HERC3: variants seen among roughly 807,000 people sequenced by gnomAD.
HERC3 encodes the protein probable E3 ubiquitin-protein ligase HERC3.
HERC3 carries 58 observed loss-of-function variants against 129.9 expected under a neutral mutation model. The ratio of observed to expected loss-of-function variants is 0.45; its 90% CI spans 0.36 to 0.56. The LOEUF is 0.56. Among genes scored for constraint, HERC3 ranks in the 20% least tolerant of loss-of-function variants. The pLI, the probability that HERC3 is intolerant of heterozygous loss-of-function variation, is 0.00. For synonymous variants in HERC3, 430 were observed against 451.0 expected (o/e 0.95, Z 0.59); for missense variants, 835 against 1,244.2 (o/e 0.67, Z 4.95).
At chr4:88,598,140 A>C (rs1722592319) in intron 2 of HERC3, 1 of 152,168 alleles carries the variant, frequency 6.6e-6, no homozygotes, top group South Asian at 2.1e-4. Context: ...TTTAAATGAG[A>C]TTAGAAGTCC....
At chr4:88,584,836 T>C in the HERC3 span, among the ~76,000 whole-genome samples, 1 of 152,238 alleles carries the variant, frequency 6.6e-6, no homozygotes, top group Non-Finnish European at 1.5e-5. Context: ...CAAAATGGAC[T>C]AAGAGACATA....
intron 3 of HERC3, among the ~76,000 whole-genome samples, chr4:88,608,923 T>C (rs548653199): frequency 6.6e-6 from 1 of 152,268 alleles, no homozygotes; most frequent in Admixed American, 6.5e-5. Context: ...AGTCCTCCCA[T>C]GGAGACAGCA....
the HERC3 span, among the ~76,000 whole-genome samples, chr4:88,536,589 C>T: frequency 1.3e-5 from 2 of 151,920 alleles, no homozygotes; most frequent in African/African-American, 2.4e-5. Context: ...TTTCTTTATC[C>T]CTAAATCTAG....
intron 3 of HERC3, among the ~76,000 whole-genome samples, chr4:88,641,512 C>T (rs1728087501): frequency 6.6e-6 from 1 of 151,982 alleles, no homozygotes; most frequent in Non-Finnish European, 1.5e-5. Context: ...TCAATGGAAC[C>T]AAAAGCTAGC....
At chr4:88,598,847 G>T (rs1722679599) in intron 2 of HERC3, among the ~76,000 whole-genome samples, 1 of 152,200 alleles carries the variant, frequency 6.6e-6, no homozygotes, top group Non-Finnish European at 1.5e-5. Flanking sequence ...TCAGGAAAGT[G>T]CCAGGTTGAC....
Position 88,704,723 on chromosome 4 carries a change from T to G in HERC3, c.2944+113T>G, listed in dbSNP as rs984979388. On this transcript the variant is annotated intron_variant, in intron 25 of 25. Coordinates refer to ENST00000402738, the MANE Select transcript of HERC3 (RefSeq NM_014606.3). Reference sequence around the variant, plus strand: ...ACTCATTTAAATGGTAAAGACCAGGTAATTCACTATATGTATGCTTTTTGT... The same window carrying G: ...ACTCATTTAAATGGTAAAGACCAGGGAATTCACTATATGTATGCTTTTTGT... The G allele has an allele frequency of 1.9e-5, 13 of 674,790 alleles. 1 individual carries two copies. The highest frequency in any genetic ancestry group is 3.2e-5 in the Non-Finnish European group (12 of 376,306). The allele number at this position is 674,790 out of a possible 1,614,324, so 41.8% of individuals were successfully genotyped here.
Position 88,681,091 on chromosome 4 carries a change from A to G in HERC3, c.2341-68A>G, listed in dbSNP as rs184193716. On this transcript the variant is annotated intron_variant, in intron 20 of 25. Coordinates refer to ENST00000402738, the MANE Select transcript of HERC3 (RefSeq NM_014606.3). Reference sequence around the variant, plus strand: ...TTATTTTGAAAATATTTTGAGGGAAATGGTAGAATGTTTGAAGGCCAGAAA... The same window carrying G: ...TTATTTTGAAAATATTTTGAGGGAAGTGGTAGAATGTTTGAAGGCCAGAAA... 3.1e-4 allele frequency: 464 copies of G among 1,480,154 alleles called. 2 individuals are homozygous for G. The African/African-American group carries it at 6.1e-3, about 19-fold the overall frequency. 91.7% of individuals were successfully genotyped at this position (1,480,154 alleles called of 1,614,324 possible).
the HERC3 span, among the ~76,000 whole-genome samples, chr4:88,545,164 C>A: frequency 2.1e-4 from 32 of 152,294 alleles, 1 homozygote; most frequent in East Asian, 6.2e-3. Flanking sequence ...TCTTCCAGTC[C>A]TACTGGCTTG....
In HERC3 at chr4:88,697,263, GGCAGCCTCTGCC is replaced by G. The variant is rs750349635; in HGVS notation, c.2658-6826_2658-6815del. On this transcript the variant is annotated intron_variant, in intron 23 of 25. Transcript: ENST00000402738. The stretch of plus-strand genomic sequence containing the variant: ...GGGCATCGTCATGTTTGGCCCCCGC[GGCAGCCTCTGCC>G]GCAGCCTCCTCCTCCTCCTCGTCTT... 58 of 1,570,016 alleles carry G rather than the reference GGCAGCCTCTGCC, an allele frequency of 3.7e-5. No homozygotes were observed. In the African/African-American group the frequency reaches 6.9e-4, roughly 19 times the overall value.
intron 19 of HERC3, among the ~76,000 whole-genome samples, chr4:88,679,241 A>G (rs1167792224): frequency 1.3e-5 from 2 of 152,152 alleles, no homozygotes; most frequent in Non-Finnish European, 2.9e-5. Flanking sequence ...TACTGTTGAT[A>G]ACCATTATGT....
chr4:88,608,703 A>T (rs1464516932), intron 3 of HERC3, among the ~76,000 whole-genome samples: 1 of 152,118 alleles, frequency 6.6e-6, no homozygotes, highest in Non-Finnish European at 1.5e-5. Flanking sequence ...GTTAAAACTC[A>T]CTTGTGTCTC....
At chr4:88,689,042 G>A (rs1305032235) in intron 23 of HERC3, among the ~76,000 whole-genome samples, 2 of 152,100 alleles carry the variant, frequency 1.3e-5, no homozygotes, top group Admixed American at 6.5e-5. Flanking sequence ...ATACAGATGT[G>A]GAGAAACTAG....
intron 22 of HERC3, among the ~76,000 whole-genome samples, 195 bp downstream of exon 22, chr4:88,686,997 T>G (rs1333211497): frequency 6.6e-6 from 1 of 152,236 alleles, no homozygotes; most frequent in Non-Finnish European, 1.5e-5. Context: ...ATGATTAATC[T>G]GTTATTTATT....
chr4:88,554,939 A>G, the HERC3 span, among the ~76,000 whole-genome samples: 2 of 152,214 alleles, frequency 1.3e-5, no homozygotes, highest in East Asian at 3.8e-4. Flanking sequence ...ACATAGGATT[A>G]CATCTAGAAG....
At chr4:88,629,997 A>G (rs546528771) in intron 3 of HERC3, among the ~76,000 whole-genome samples, 11 of 152,310 alleles carry the variant, frequency 7.2e-5, no homozygotes, top group Non-Finnish European at 1.3e-4. Context: ...CAAGGAGGCC[A>G]AAGTTAAAAT....
the HERC3 span, among the ~76,000 whole-genome samples, chr4:88,580,607 G>A: frequency 6.6e-6 from 1 of 152,300 alleles, no homozygotes; most frequent in East Asian, 1.9e-4. Flanking sequence ...TTCAAGAGTA[G>A]GCACCCAAAA....
In HERC3 at chr4:88,700,255, A is replaced by T. The variant is rs115994818; in HGVS notation, c.2658-3843A>T. 4.5e-3 allele frequency among the ~76,000 whole-genome samples: 682 copies of T among 152,200 alleles called. 8 individuals carry two copies. The highest frequency in any genetic ancestry group is 0.016 in the African/African-American group (661 of 41,528). On this transcript the variant is annotated intron_variant, in intron 23 of 25. Coordinates refer to ENST00000402738, the MANE Select transcript of HERC3 (RefSeq NM_014606.3). Reference sequence around the variant, plus strand: ...ATTGTGAATAATGCTGTGATCATTCATCTACAGGTTTCTCTATGAGCATGG... The same window carrying T: ...ATTGTGAATAATGCTGTGATCATTCTTCTACAGGTTTCTCTATGAGCATGG...
intron 3 of HERC3, among the ~76,000 whole-genome samples, chr4:88,644,739 C>CA (rs920800144): frequency 6.6e-5 from 10 of 151,654 alleles, no homozygotes; most frequent in Admixed American, 5.3e-4. Flanking sequence ...ACTTATATAC[C>CA]AAAAAAAGGT....
At chr4:88,619,127 G>A (rs980595311) in intron 3 of HERC3, among the ~76,000 whole-genome samples, 1 of 152,202 alleles carries the variant, frequency 6.6e-6, no homozygotes, top group Non-Finnish European at 1.5e-5. Flanking sequence ...TGGTCATCCT[G>A]GCGAGGTAGA....
Sources: gnomAD v4.1 joint callset for allele counts (sites outside exome capture counted in the v4.1 genomes callset) on GRCh38, gnomAD v4.1.1 for gene constraint, MANE v1.5 for transcripts, NCBI Gene and HGNC (gene_info 2026-07-23, HGNC 2026-07-21) for gene names.